Variants in UNC13C observed in about 807,000 individuals in gnomAD.
UNC13C encodes protein unc-13 homolog C.
Under a neutral mutation model 245.4 loss-of-function variants are expected in UNC13C, and 174 were observed. That is an observed-to-expected ratio of 0.71 (90% confidence interval 0.63 to 0.80). The LOEUF (loss-of-function observed/expected upper bound fraction) is 0.80, where lower values mean the gene tolerates loss of function less well. UNC13C is among the 30% of genes least tolerant of loss of function. UNC13C has a pLI of 0.00. For missense variants in UNC13C, 2,829 were observed against 2,602.9 expected, an observed-to-expected ratio of 1.09 and a Z score of -1.89; for synonymous variants, 992 against 895.1, an observed-to-expected ratio of 1.11 and a Z score of -1.93.
rs1376882251 is a variant in UNC13C, at chr15:54,628,367, G to C, written c.*1254G>C. The C allele has an allele frequency of 2.0e-5, 3 of 152,440 alleles. No individual in the cohort carries two copies. The highest frequency in any genetic ancestry group is 4.8e-5 in the African/African-American group (2 of 41,422). 9.4% of individuals were successfully genotyped at this position (152,440 alleles called of 1,614,324 possible). On this transcript the variant is annotated 3_prime_UTR_variant, in exon 33 of 33. Transcript: ENST00000260323. ...GGACTACTTACAGAAGCAGAAACAAGAGCCTGTTATGATTGTGCTTTGTGA... is the reference window on the plus strand; with the variant it reads ...GGACTACTTACAGAAGCAGAAACAACAGCCTGTTATGATTGTGCTTTGTGA...
intron 10 of UNC13C, among the ~76,000 whole-genome samples, chr15:54,284,433 A>AAC (rs1166015859): frequency 1.3e-5 from 2 of 152,180 alleles, no homozygotes; most frequent in African/African-American, 2.4e-5. Flanking sequence ...ACAAACAAAA[A>AAC]ACTCCCAGGA....
chr15:54,321,450 G>T, intron 13 of UNC13C: 1 of 492,056 alleles, frequency 2.0e-6, no homozygotes, highest in East Asian at 5.5e-5. Context: ...ATCTGCCTTT[G>T]CGGCCTTGCG....
At chr15:54,219,393 C>T (rs547748253) in intron 4 of UNC13C, among the ~76,000 whole-genome samples, 94 of 152,246 alleles carry the variant, frequency 6.2e-4, no homozygotes, top group Middle Eastern at 3.4e-3. Flanking sequence ...ACTGGCCAGC[C>T]ATATGTAGAA....
chr15:54,122,742 A>G (rs1212837911), intron 2 of UNC13C, among the ~76,000 whole-genome samples: 1 of 152,062 alleles, frequency 6.6e-6, no homozygotes, highest in African/African-American at 2.4e-5. Flanking sequence ...ACAATTTTGC[A>G]TCTAGCTTCT....
intron 2 of UNC13C, among the ~76,000 whole-genome samples, chr15:54,124,006 CA>C (rs922804821): frequency 6.6e-6 from 1 of 152,128 alleles, no homozygotes; most frequent in African/African-American, 2.4e-5. Flanking sequence ...GAGATCTATT[CA>C]AATTATTGCA....
intron 13 of UNC13C, chr15:54,321,699 C>G (rs1007466227): frequency 1.6e-5 from 7 of 440,650 alleles, no homozygotes; most frequent in Non-Finnish European, 2.8e-5. Flanking sequence ...TTTAACAATG[C>G]TTTCTCGGCA....
chr15:53,894,285 G>A, the UNC13C span, among the ~76,000 whole-genome samples: 1 of 152,126 alleles, frequency 6.6e-6, no homozygotes, highest in Non-Finnish European at 1.5e-5. Context: ...GTTCCTATTT[G>A]GCCATCTTTG....
chr15:53,976,557 C>T (rs1319062927), upstream of UNC13C, among the ~76,000 whole-genome samples: 6 of 146,646 alleles, frequency 4.1e-5, no homozygotes, highest in African/African-American at 1.3e-4. Context: ...CTACAACCTC[C>T]GCCTTCCAGG....
chr15:54,040,103 T>C (rs1339012367), intron 2 of UNC13C, among the ~76,000 whole-genome samples: 1 of 152,116 alleles, frequency 6.6e-6, no homozygotes, highest in Non-Finnish European at 1.5e-5. Flanking sequence ...TGCTGAAACC[T>C]TCAATCACTC....
intron 17 of UNC13C, among the ~76,000 whole-genome samples, chr15:54,386,648 T>C (rs2039843620): frequency 6.6e-6 from 1 of 152,212 alleles, no homozygotes; most frequent in Non-Finnish European, 1.5e-5. Context: ...CCTGCACTTG[T>C]TGATGCAGAG....
rs545118796 is a variant in UNC13C at position 54,329,183 on chromosome 15, T to C, written c.4426-2860T>C. Among the ~76,000 whole-genome samples the C allele has an allele frequency of 3.3e-5, 5 of 151,132 alleles. No individual in the cohort carries two copies. The South Asian group carries it at 6.3e-4, about 19-fold the overall frequency. On this transcript the variant is annotated intron_variant, in intron 14 of 32. Transcript: ENST00000260323. ...GTAATAGTTGTACATATTTATGGGG[T>C]ACAAGATAAATTTTGATACATGCAT...
intron 30 of UNC13C, among the ~76,000 whole-genome samples, chr15:54,611,937 A>G (rs1015910125): frequency 6.6e-6 from 1 of 152,136 alleles, no homozygotes; most frequent in Non-Finnish European, 1.5e-5. Flanking sequence ...AGTATTTTAC[A>G]TGATATTAAC....
At chr15:54,026,463 G>A (rs1896112262) in intron 2 of UNC13C, among the ~76,000 whole-genome samples, 1 of 152,154 alleles carries the variant, frequency 6.6e-6, no homozygotes, top group African/African-American at 2.4e-5. Flanking sequence ...CAAACTTTGG[G>A]ACTGCGTCAA....
chr15:54,351,104 A>T lies in UNC13C; in HGVS notation c.4713+12615A>T, dbSNP rs544253099. Among the ~76,000 whole-genome samples the T allele has an allele frequency of 4.6e-5, 7 of 152,306 alleles. No individual in the cohort carries two copies. In the South Asian group the frequency reaches 1.2e-3, roughly 27 times the overall value. On this transcript the variant is annotated intron_variant, in intron 17 of 32. Transcript: ENST00000260323. Reference sequence around the variant, plus strand: ...TGGGATGGGACATTTTAGTAAGTCAAATTACTCCAAGCTCCTGAAAAGTCC... The same window carrying T: ...TGGGATGGGACATTTTAGTAAGTCATATTACTCCAAGCTCCTGAAAAGTCC...
intron 28 of UNC13C, among the ~76,000 whole-genome samples, chr15:54,554,939 T>A (rs1897028148): frequency 6.6e-6 from 1 of 152,076 alleles, no homozygotes; most frequent in Admixed American, 6.6e-5. Context: ...CCAAATTTAG[T>A]TAATTCCTTG....
the UNC13C span, among the ~76,000 whole-genome samples, chr15:53,862,729 G>A: frequency 3.3e-5 from 5 of 152,118 alleles, no homozygotes; most frequent in Non-Finnish European, 5.9e-5. Context: ...GAGACAGAGC[G>A]AAAGCAATCT....
chr15:53,915,637 A>G, the UNC13C span, among the ~76,000 whole-genome samples: 1 of 152,262 alleles, frequency 6.6e-6, no homozygotes, highest in African/African-American at 2.4e-5. Context: ...GAATATGATT[A>G]GTAAATATTT....
chr15:54,300,002 C>T (rs755033856), intron 12 of UNC13C, among the ~76,000 whole-genome samples: 7 of 152,254 alleles, frequency 4.6e-5, no homozygotes, highest in South Asian at 2.1e-4. Context: ...TTTATATCAG[C>T]GCTTTTACCC....
downstream of UNC13C, chr15:54,633,363 C>T (rs1288843316): frequency 6.6e-6 from 1 of 152,144 alleles, no homozygotes; most frequent in African/African-American, 2.4e-5. Flanking sequence ...AGGATTTCTT[C>T]TGTATGTGTA....
Sources: allele counts gnomAD v4.1 joint callset (sites outside exome capture counted in the v4.1 genomes callset), GRCh38; gene constraint gnomAD v4.1.1; transcripts MANE v1.5; gene names NCBI Gene and HGNC (gene_info 2026-07-23, HGNC 2026-07-21).